Variants in CEP104 observed in about 807,000 individuals in gnomAD.
CEP104 encodes centrosomal protein of 104 kDa.
CEP104 carries 84 observed loss-of-function variants against 113.3 expected under a neutral mutation model. That is an observed-to-expected ratio of 0.74 (90% confidence interval 0.62 to 0.89). The LOEUF is 0.89. Among genes scored for constraint, CEP104 ranks in the 40% least tolerant of loss-of-function variants. The pLI, the probability that CEP104 is intolerant of heterozygous loss-of-function variation, is 0.00. For missense variants in CEP104, 1,053 were observed against 1,156.6 expected (o/e 0.91, Z 1.30); for synonymous variants, 378 against 421.7 (o/e 0.90, Z 1.27).
intron 1 of CEP104, among the ~76,000 whole-genome samples, chr1:3,853,062 T>C (rs906007580): frequency 6.6e-6 from 1 of 152,224 alleles, no homozygotes; most frequent in African/African-American, 2.4e-5. Flanking sequence ...CCATCTAGTT[T>C]ATGATATTTT....
chr1:3,825,514 C>A (rs1200999567), intron 18 of CEP104, among the ~76,000 whole-genome samples: 8 of 152,200 alleles, frequency 5.3e-5, no homozygotes, highest in Admixed American at 5.2e-4. Context: ...AGAAATCAGA[C>A]CCCTGCTGAC....
intron 20 of CEP104, among the ~76,000 whole-genome samples, chr1:3,821,625 C>T (rs997072342): frequency 4.6e-5 from 7 of 152,154 alleles, no homozygotes; most frequent in East Asian, 1.9e-4. Flanking sequence ...ACATATCACG[C>T]GCCTCCCGGG....
intron 16 of CEP104, 57 bp from the exon 17 acceptor site, chr1:3,826,493 A>G (rs867184066): frequency 5.3e-6 from 8 of 1,516,706 alleles, no homozygotes; most frequent in Non-Finnish European, 5.4e-6. Context: ...TCAAAATTTT[A>G]GTAAGCAGTT....
At chr1:3,854,275 G>C (rs1299965968) in intron 1 of CEP104, among the ~76,000 whole-genome samples, 1 of 151,928 alleles carries the variant, frequency 6.6e-6, no homozygotes, top group Non-Finnish European at 1.5e-5. Context: ...TTGTGTGAAC[G>C]TGCCTCAGGC....
At position 3,823,249 on chromosome 1, in the gene CEP104, G is replaced by C. The variant is rs1185751160; in HGVS notation, c.2504-8C>G. The C allele has an allele frequency of 3.7e-6, 6 of 1,614,040 alleles. No individual in the cohort carries two copies. Among genetic ancestry groups the C allele is most frequent in the Non-Finnish European group, 5.1e-6 (6 of 1,180,022 alleles). On this transcript the variant is annotated splice_polypyrimidine_tract_variant and splice_region_variant and intron_variant, in intron 19 of 21. Transcript: ENST00000378230. The surrounding 1 kb of genome is among the most constrained non-coding windows in gnomAD (Gnocchi z 4.1). ...GCTTCTCCGGTTTGGCAGCTGAAATGATTTTAAAAAGACTCAGTCGCTCCC... is the reference window on the plus strand; with the variant it reads ...GCTTCTCCGGTTTGGCAGCTGAAATCATTTTAAAAAGACTCAGTCGCTCCC...
At chr1:3,815,719 C>T (rs1643870680) in intron 21 of CEP104, among the ~76,000 whole-genome samples, 1 of 151,128 alleles carries the variant, frequency 6.6e-6, no homozygotes, top group African/African-American at 2.4e-5. Context: ...GACAGAGTCT[C>T]ACTCTGTCAC....
chr1:3,815,384 A>G lies in CEP104; in HGVS notation c.*18T>C, dbSNP rs1443862253. On this transcript the variant is annotated 3_prime_UTR_variant, in exon 22 of 22. Transcript: ENST00000378230. ...CCCGCTCCATCCCTCACAGAGACCA[A>G]GGAGCCCGAGCGCCGCGTCAGCGCT... 5 of 1,568,478 alleles carry G rather than the reference A, an allele frequency of 3.2e-6. No homozygotes were observed. In the Admixed American group the frequency reaches 5.2e-5, roughly 16 times the overall value.
At chr1:3,831,313 AGGG>A in intron 12 of CEP104, 91 bp from the exon 13 acceptor site, 5 of 1,028,278 alleles carry the variant, frequency 4.9e-6, no homozygotes, top group Admixed American at 2.1e-5. Flanking sequence ...TAAACACTGA[AGGG>A]AAAAACAGGG....
intron 18 of CEP104, among the ~76,000 whole-genome samples, 190 bp downstream of exon 18, chr1:3,825,568 C>T (rs527792588): frequency 2.0e-5 from 3 of 152,206 alleles, no homozygotes; most frequent in South Asian, 2.1e-4. Flanking sequence ...AGCATGTTTC[C>T]GGTTCACTGG....
chr1:3,855,837 T>C (rs752635676), intron 1 of CEP104: 60 of 913,558 alleles, frequency 6.6e-5, no homozygotes, highest in Non-Finnish European at 7.3e-5. Context: ...GAAGCAAAGC[T>C]CTGTTGAACA....
At chr1:3,833,805 G>A in intron 12 of CEP104, 57 bp downstream of exon 12, 1 of 1,527,014 alleles carries the variant, frequency 6.5e-7, no homozygotes, top group Non-Finnish European at 9.1e-7. Context: ...GAAAGCCAGA[G>A]AGCTACAGGA....
intron 20 of CEP104, among the ~76,000 whole-genome samples, chr1:3,817,282 C>T (rs1430869966): frequency 6.6e-6 from 1 of 152,166 alleles, no homozygotes; most frequent in East Asian, 1.9e-4. Flanking sequence ...GCGGAGGTTG[C>T]AGTGAGCCGA....
intron 10 of CEP104, 59 bp from the exon 11 acceptor site, chr1:3,835,151 A>C: frequency 7.6e-7 from 1 of 1,319,964 alleles, no homozygotes; most frequent in Non-Finnish European, 1.0e-6. Flanking sequence ...ACACTACACA[A>C]CTTGAAGGCT....
intron 4 of CEP104, among the ~76,000 whole-genome samples, chr1:3,845,852 C>A (rs6687498): frequency 0.37 from 56,154 of 151,908 alleles, 10,978 homozygotes; most frequent in Admixed American, 0.46. Context: ...CTATGGGAGG[C>A]CAAGGTGGAA....
Position 3,826,372 on chromosome 1 carries a change from A to T in CEP104, c.2253T>A (p.Asp751Glu), listed in dbSNP as rs760759215. 6.2e-7 allele frequency: 1 copy of T among 1,613,866 alleles called. No individual in the cohort carries two copies. The highest frequency in any genetic ancestry group is 1.1e-5 in the South Asian group (1 of 91,064). Reference sequence around the variant, plus strand: ...GGGTGGAAGACAGCGCGACTTACTTATCTAGATAGTGCTCATCCGGGATTC... The same window carrying T: ...GGGTGGAAGACAGCGCGACTTACTTTTCTAGATAGTGCTCATCCGGGATTC... The part of the protein sequence containing the change: ...ALGIPDEHYL[D>E]NLCIFCGERS... Residue 751 changes from aspartate to glutamate, a missense_variant and splice_region_variant, in exon 17 of 22, where the codon GAT becomes GAA. Transcript: ENST00000378230.
chr1:3,836,430 G>T, intron 10 of CEP104, 65 bp downstream of exon 10: 1 of 1,513,414 alleles, frequency 6.6e-7, no homozygotes, highest in East Asian at 2.3e-5. Context: ...ACACAGAGGT[G>T]TGCGTACCAT....
At chr1:3,856,604 G>C (rs925456756) in intron 1 of CEP104, among the ~76,000 whole-genome samples, 2 of 152,252 alleles carry the variant, frequency 1.3e-5, no homozygotes, top group African/African-American at 4.8e-5. Context: ...GGAAAAGCCG[G>C]ATCTGAAAAC....
At chr1:3,816,442 G>T (rs1398401479) in intron 20 of CEP104, 72 bp from the exon 21 acceptor site, 2 of 1,273,908 alleles carry the variant, frequency 1.6e-6, no homozygotes, top group African/African-American at 1.5e-5. Context: ...GACCCAAAAG[G>T]ACTCGCTGTG....
chr1:3,856,035 A>C (rs754051458), intron 1 of CEP104: 3 of 750,070 alleles, frequency 4.0e-6, no homozygotes, highest in Non-Finnish European at 4.9e-6. Context: ...CTATAAATTA[A>C]ACGGAAACTC....
Sources: allele counts gnomAD v4.1 joint callset (sites outside exome capture counted in the v4.1 genomes callset), GRCh38; gene constraint gnomAD v4.1.1; non-coding constraint Gnocchi (gnomAD v3.1); transcripts MANE v1.5; gene names NCBI Gene and HGNC (gene_info 2026-07-23, HGNC 2026-07-21).